PTGER3: variants seen among roughly 807,000 people sequenced by gnomAD.
PTGER3 encodes the protein prostaglandin E2 receptor EP3 subtype.
Under a neutral mutation model 34.7 loss-of-function variants are expected in PTGER3, and 22 were observed. The ratio of observed to expected loss-of-function variants is 0.63; its 90% CI spans 0.45 to 0.91. The LOEUF is 0.91. Among genes scored for constraint, PTGER3 ranks in the 40% least tolerant of loss-of-function variants. PTGER3 has a pLI of 0.00. For synonymous variants in PTGER3, 241 were observed against 230.1 expected, an observed-to-expected ratio of 1.05 and a Z score of -0.43; for missense variants, 468 against 519.4, an observed-to-expected ratio of 0.90 and a Z score of 0.96.
At chr1:70,897,500 T>C (rs558662925) in intron 4 of PTGER3, among the ~76,000 whole-genome samples, 1 of 152,206 alleles carries the variant, frequency 6.6e-6, no homozygotes. Flanking sequence ...CTGTAGCTGA[T>C]GAATGTCAGC....
intron 4 of PTGER3, among the ~76,000 whole-genome samples, chr1:70,866,908 T>G (rs1356371197): frequency 6.6e-6 from 1 of 152,238 alleles, no homozygotes; most frequent in Non-Finnish European, 1.5e-5. Context: ...GATTTTAAAC[T>G]ACTCTCTCTG....
intron 1 of PTGER3, among the ~76,000 whole-genome samples, chr1:71,039,649 CAAAAAAAAA>C (rs1183485427): frequency 3.7e-5 from 2 of 54,476 alleles, no homozygotes; most frequent in African/African-American, 1.1e-4. Flanking sequence ...GACTCTGTCT[CAAAAAAAAA>C]AAAAAAAAAA....
chr1:71,039,314 G>T (rs968739911), intron 1 of PTGER3, among the ~76,000 whole-genome samples: 1 of 152,218 alleles, frequency 6.6e-6, no homozygotes, highest in South Asian at 2.1e-4. Flanking sequence ...ACAGGGCTGA[G>T]AGAATGCAGA....
chr1:70,886,343 T>A (rs772188571), intron 4 of PTGER3: 2 of 446,912 alleles, frequency 4.5e-6, no homozygotes, highest in Non-Finnish European at 9.0e-6. Flanking sequence ...GAGAAACAAA[T>A]TTCTGTTGTT....
chr1:71,000,858 T>C (rs1656407619), intron 2 of PTGER3, among the ~76,000 whole-genome samples: 1 of 152,300 alleles, frequency 6.6e-6, no homozygotes, highest in East Asian at 1.9e-4. Flanking sequence ...TTCATTATCA[T>C]GAAAATGCAA....
intron 4 of PTGER3, among the ~76,000 whole-genome samples, chr1:70,923,694 A>T (rs1647775957): frequency 6.6e-6 from 1 of 152,222 alleles, no homozygotes; most frequent in Non-Finnish European, 1.5e-5. Context: ...GAGTTAGGAA[A>T]ACTTTTCCTT....
intron 4 of PTGER3, among the ~76,000 whole-genome samples, chr1:70,866,463 C>T (rs894826174): frequency 9.2e-5 from 14 of 152,296 alleles, no homozygotes; most frequent in Admixed American, 9.2e-4. Flanking sequence ...TCAAAGCCCC[C>T]GAGTCCTGAG....
intron 2 of PTGER3, among the ~76,000 whole-genome samples, chr1:70,956,563 A>G (rs1401893719): frequency 6.6e-6 from 1 of 152,172 alleles, no homozygotes; most frequent in Non-Finnish European, 1.5e-5. Context: ...CAATACAAGC[A>G]TTAGAAACAA....
Position 71,007,054 on chromosome 1 carries a change from A to T in PTGER3, c.1077+5251T>A, listed in dbSNP as rs575019406. Reference sequence around the variant, plus strand: ...CTAGAAGATATATTTAAATACACTGACGATAACTACCCATAAAACTTTACA... The same window carrying T: ...CTAGAAGATATATTTAAATACACTGTCGATAACTACCCATAAAACTTTACA... On this transcript the variant is annotated intron_variant, in intron 2 of 3. Coordinates refer to ENST00000306666, the MANE Select transcript of PTGER3 (RefSeq NM_198719.2). 79 of 985,326 alleles carry T rather than the reference A, an allele frequency of 8.0e-5. 1 individual carries two copies. In the South Asian group the frequency reaches 3.3e-3, roughly 42 times the overall value. The allele number at this position is 985,326 out of a possible 1,614,324, so 61.0% of individuals were successfully genotyped here.
chr1:70,980,103 C>T (rs906750767), intron 2 of PTGER3, among the ~76,000 whole-genome samples: 2 of 152,054 alleles, frequency 1.3e-5, no homozygotes, highest in South Asian at 2.1e-4. Context: ...GGAAGGGAGG[C>T]GGGGAAGTCT....
At chr1:71,046,227 AG>A (rs1218268321) in intron 1 of PTGER3, among the ~76,000 whole-genome samples, 1 of 134,064 alleles carries the variant, frequency 7.5e-6, no homozygotes, top group African/African-American at 2.8e-5. Context: ...CGGAGCTTGC[AG>A]TGAGCCGAGG....
At position 70,979,672 on chromosome 1, in the gene PTGER3, G is replaced by A. The variant is rs373463232; in HGVS notation, c.1078-5284C>T. ...CCTCTCAGAATTCAAACTGCCTGGA[G>A]AAACAAAGTGGGCAGGCTGGGGACC... On this transcript the variant is annotated intron_variant, in intron 2 of 3. Transcript: ENST00000306666. Among the ~76,000 whole-genome samples the A allele has an allele frequency of 3.9e-5, 6 of 152,086 alleles. No individual in the cohort carries two copies. In the East Asian group the frequency reaches 9.7e-4, roughly 24 times the overall value.
chr1:71,040,820 G>A (rs1283261587), intron 1 of PTGER3, among the ~76,000 whole-genome samples: 1 of 152,118 alleles, frequency 6.6e-6, no homozygotes, highest in Non-Finnish European at 1.5e-5. Context: ...CATGAGATCA[G>A]GGCACCCAAT....
intron 4 of PTGER3, among the ~76,000 whole-genome samples, chr1:70,877,390 C>T (rs188141793): frequency 1.3e-4 from 20 of 152,190 alleles, no homozygotes; most frequent in African/African-American, 4.3e-4. Flanking sequence ...AGAATCATAT[C>T]GTCTACAAAC....
rs116787455 is a variant in PTGER3, at chr1:70,993,043, C to G, written c.1078-18655G>C. ...TTCAATAAAATTAGATATGAGGTCC[C>G]TCAATGTTAAATTCCCCCCTCTTCT... On this transcript the variant is annotated intron_variant, in intron 2 of 3. Transcript: ENST00000306666. 4.3e-3 allele frequency among the ~76,000 whole-genome samples: 653 copies of G among 152,200 alleles called. 6 individuals carry two copies. The highest frequency in any genetic ancestry group is 0.015 in the African/African-American group (629 of 41,500).
At chr1:70,872,560 A>G (rs748565672) in intron 4 of PTGER3, among the ~76,000 whole-genome samples, 3 of 152,234 alleles carry the variant, frequency 2.0e-5, no homozygotes, top group Non-Finnish European at 4.4e-5. Context: ...CCATTTACAG[A>G]TGACAGAAGT....
At chr1:70,856,530 T>C (rs566608708) in intron 4 of PTGER3, among the ~76,000 whole-genome samples, 71 of 151,336 alleles carry the variant, frequency 4.7e-4, no homozygotes, top group African/African-American at 1.6e-3. Context: ...TCACAAATGA[T>C]GATCAAAAAC....
chr1:70,945,280 C>A (rs1650121140), intron 4 of PTGER3, among the ~76,000 whole-genome samples: 1 of 152,144 alleles, frequency 6.6e-6, no homozygotes, highest in South Asian at 2.1e-4. Context: ...CAACAAAACA[C>A]ACCCGTGTTG....
At chr1:71,038,272 T>C (rs922230794) in intron 1 of PTGER3, among the ~76,000 whole-genome samples, 3 of 152,128 alleles carry the variant, frequency 2.0e-5, no homozygotes, top group African/African-American at 7.2e-5. Context: ...TAACAAAAAA[T>C]TAGTGGAAAG....
Sources: allele counts gnomAD v4.1 joint callset (sites outside exome capture counted in the v4.1 genomes callset), GRCh38; gene constraint gnomAD v4.1.1; transcripts MANE v1.5; gene names NCBI Gene and HGNC (gene_info 2026-07-23, HGNC 2026-07-21).